RPS6KA5: variants seen among roughly 807,000 people sequenced by gnomAD.
RPS6KA5 encodes the protein ribosomal protein S6 kinase alpha-5.
Under a neutral mutation model 85.5 loss-of-function variants are expected in RPS6KA5, and 27 were observed. The observed-to-expected ratio is 0.32, with a 90% confidence interval of 0.23 to 0.44. The LOEUF is 0.44. Ranked by LOEUF, RPS6KA5 falls within the 20% of genes least tolerant of loss-of-function variation. The probability of loss-of-function intolerance (pLI) is 1.00; values close to 1 mark genes in which losing one functional copy is unlikely to be tolerated. For missense variants in RPS6KA5, 811 were observed against 980.9 expected (o/e 0.83, Z 2.31); for synonymous variants, 334 against 348.2 (o/e 0.96, Z 0.46).
At chr14:90,926,580 T>C (rs990477386) in intron 5 of RPS6KA5, among the ~76,000 whole-genome samples, 1 of 151,932 alleles carries the variant, frequency 6.6e-6, no homozygotes, top group Non-Finnish European at 1.5e-5. Flanking sequence ...CACTGAGCCA[T>C]ACATTTATTT....
intron 1 of RPS6KA5, among the ~76,000 whole-genome samples, chr14:91,027,649 C>T (rs750180154): frequency 1.3e-5 from 2 of 152,212 alleles, no homozygotes; most frequent in Non-Finnish European, 2.9e-5. Flanking sequence ...ACTTCTCCCT[C>T]ATTCTGCATG....
chr14:91,058,561 G>C (rs2043428028), intron 1 of RPS6KA5, among the ~76,000 whole-genome samples: 1 of 152,174 alleles, frequency 6.6e-6, no homozygotes, highest in African/African-American at 2.4e-5. Context: ...TAAATCAGTG[G>C]ATCGTTATGT....
At chr14:91,026,057 G>C (rs1264380590) in intron 1 of RPS6KA5, among the ~76,000 whole-genome samples, 2 of 151,936 alleles carry the variant, frequency 1.3e-5, no homozygotes, top group Non-Finnish European at 2.9e-5. Flanking sequence ...CCAATGTTTA[G>C]CTCCCACTTA....
intron 1 of RPS6KA5, among the ~76,000 whole-genome samples, chr14:91,050,462 T>C (rs954729126): frequency 6.6e-6 from 1 of 152,226 alleles, no homozygotes; most frequent in Non-Finnish European, 1.5e-5. Flanking sequence ...ACAGTCTGAC[T>C]CTGTCCCTCA....
intron 3 of RPS6KA5, among the ~76,000 whole-genome samples, chr14:90,966,449 T>G (rs1326416449): frequency 1.3e-5 from 2 of 152,170 alleles, no homozygotes; most frequent in Non-Finnish European, 2.9e-5. Context: ...GATGAAGAGA[T>G]GTTTGAGTAG....
At chr14:91,054,375 A>G (rs1436009404) in intron 1 of RPS6KA5, among the ~76,000 whole-genome samples, 2 of 152,154 alleles carry the variant, frequency 1.3e-5, no homozygotes, top group Non-Finnish European at 2.9e-5. Context: ...GGTGGCTCAC[A>G]CCTGTAATCC....
intron 13 of RPS6KA5, among the ~76,000 whole-genome samples, chr14:90,891,594 ATAT>A (rs1298470342): frequency 6.6e-6 from 1 of 152,156 alleles, no homozygotes; most frequent in African/African-American, 2.4e-5. Context: ...CAGCTCTGGA[ATAT>A]TATTTGCTTT....
rs568470589 is a variant in RPS6KA5 at position 90,914,309 on chromosome 14, G to GGTT, written c.806+5896_806+5897insAAC. On this transcript the variant is annotated intron_variant, in intron 7 of 16. Transcript: ENST00000614987. ...CACAGTTGGAAGAATGATCCCTAGG[G>GGTT]TTTTTTTTTTTTTTTTTTTTTTGAG... 2.1e-3 allele frequency among the ~76,000 whole-genome samples: 174 copies of GGTT among 81,526 alleles called. 2 individuals are homozygous for GGTT. The highest frequency in any genetic ancestry group is 3.9e-3 in the African/African-American group (81 of 20,528). The allele number at this position is 81,526 out of a possible 152,430, so 53.5% of individuals were successfully genotyped here.
In RPS6KA5 at chr14:90,854,989, T is replaced by C. The variant is rs2032199104; in HGVS notation, c.*17085A>G. The C allele has an allele frequency of 6.6e-6, 1 of 152,222 alleles. No homozygotes were observed. The highest frequency in any genetic ancestry group is 2.4e-5 in the African/African-American group (1 of 41,472). The allele number at this position is 152,222 out of a possible 1,614,324, so 9.4% of individuals were successfully genotyped here. A position where few individuals can be genotyped will look rare whatever the true frequency, so the allele number is the denominator to read the frequency against. Reference sequence around the variant, plus strand: ...ATTTACATTTTCTATAAAAGTATTTTGAAGTTTTAAAAGTCTAATCGATTT... The same window carrying C: ...ATTTACATTTTCTATAAAAGTATTTCGAAGTTTTAAAAGTCTAATCGATTT... On this transcript the variant is annotated 3_prime_UTR_variant, in exon 17 of 17. Transcript: ENST00000614987.
chr14:90,920,806 A>G (rs1032876938), intron 6 of RPS6KA5, among the ~76,000 whole-genome samples: 3 of 152,054 alleles, frequency 2.0e-5, no homozygotes, highest in Admixed American at 6.5e-5. Flanking sequence ...CTAAAATAAT[A>G]TAAAATAAAA....
chr14:90,960,657 C>T (rs974680134), intron 3 of RPS6KA5, among the ~76,000 whole-genome samples: 1 of 152,202 alleles, frequency 6.6e-6, no homozygotes, highest in Non-Finnish European at 1.5e-5. Context: ...CTAGAATTTA[C>T]GGTCCAATCT....
At chr14:90,890,351 C>T (rs1224350420) in intron 14 of RPS6KA5, 136 bp downstream of exon 14, 1 of 535,606 alleles carries the variant, frequency 1.9e-6, no homozygotes, top group Non-Finnish European at 3.2e-6. Flanking sequence ...TTCAGTCAGG[C>T]CTCTAACTGG....
chr14:90,909,861 C>T lies in RPS6KA5; in HGVS notation c.807-3562G>A, dbSNP rs148528204. On this transcript the variant is annotated intron_variant, in intron 7 of 16. Coordinates refer to ENST00000614987, the MANE Select transcript of RPS6KA5 (RefSeq NM_004755.4). ...GGTTGGAGTGCAGTGGCGCAATTCT[C>T]CTGCCTCAGGTTCAAGCAATTATCT... Among the ~76,000 whole-genome samples the T allele has an allele frequency of 1.6e-4, 25 of 152,170 alleles. No individual in the cohort carries two copies. The East Asian group carries it at 3.1e-3, about 19-fold the overall frequency.
intron 1 of RPS6KA5, among the ~76,000 whole-genome samples, chr14:91,025,875 T>G (rs947703912): frequency 6.6e-6 from 1 of 151,952 alleles, no homozygotes. Context: ...AGGGGGTACC[T>G]GTGTGGGTTC....
chr14:91,023,255 G>T (rs539259383), intron 1 of RPS6KA5, among the ~76,000 whole-genome samples: 2 of 151,828 alleles, frequency 1.3e-5, no homozygotes, highest in East Asian at 3.9e-4. Flanking sequence ...GACTACCTGT[G>T]TAGGGTATTC....
chr14:90,987,700 C>CAACAACAACAACA (rs1555373106), intron 2 of RPS6KA5, among the ~76,000 whole-genome samples: 2 of 151,500 alleles, frequency 1.3e-5, no homozygotes, highest in African/African-American at 4.9e-5. Context: ...CAGCAGCAGC[C>CAACAACAACAACA]ACAACAACAA....
rs116832472 is a variant in RPS6KA5, at chr14:90,959,704, C to T, written c.395-12154G>A. Among the ~76,000 whole-genome samples the T allele has an allele frequency of 6.6e-4, 101 of 152,280 alleles. 1 individual carries two copies. The highest frequency in any genetic ancestry group is 2.3e-3 in the African/African-American group (97 of 41,566). ...GTTGTAGAGCATTAAGAGTAGCTTC[C>T]ATGAACCATGGTGAAAGCGCTTCGT... is the stretch of plus-strand genomic sequence containing the variant. On this transcript the variant is annotated intron_variant, in intron 3 of 16. Transcript: ENST00000614987.
In RPS6KA5 at chr14:90,853,770, T is replaced by C. The variant is rs2032137647; in HGVS notation, c.*18304A>G. On this transcript the variant is annotated 3_prime_UTR_variant, in exon 17 of 17. Transcript: ENST00000614987. ...AGCTAAATTAAAATAATCCTGGAGC[T>C]CTGGAATGTTATTCCCTCTTAAAGC... The C allele has an allele frequency of 6.6e-6, 1 of 152,106 alleles. No homozygotes were observed. Among genetic ancestry groups the C allele is most frequent in the African/African-American group, 2.4e-5 (1 of 41,430 alleles). The allele number at this position is 152,106 out of a possible 1,614,324, so 9.4% of individuals were successfully genotyped here.
At position 91,022,017 on chromosome 14, in the gene RPS6KA5, T is replaced by C. The variant is rs147761501; in HGVS notation, c.104-20858A>G. Among the ~76,000 whole-genome samples, 95 of 152,336 alleles carry C rather than the reference T, an allele frequency of 6.2e-4. No homozygotes were observed. In the East Asian group the frequency reaches 0.014, roughly 23 times the overall value. The stretch of plus-strand genomic sequence containing the variant: ...CTAGGACATACATATTTAGATCATA[T>C]ATTTATGCATATTTAGGTCATTTTA... On this transcript the variant is annotated intron_variant, in intron 1 of 16. Coordinates refer to ENST00000614987, the MANE Select transcript of RPS6KA5 (RefSeq NM_004755.4).
Sources: allele counts gnomAD v4.1 joint callset (sites outside exome capture counted in the v4.1 genomes callset), GRCh38; gene constraint gnomAD v4.1.1; transcripts MANE v1.5; gene names NCBI Gene and HGNC (gene_info 2026-07-23, HGNC 2026-07-21).